LRRIQ4: variants seen among roughly 807,000 people sequenced by gnomAD.
LRRIQ4 encodes the protein leucine-rich repeat and IQ domain-containing protein 4.
In LRRIQ4, 21 loss-of-function variants were observed where a neutral mutation model predicts 40.1. The observed-to-expected ratio is 0.52, with a 90% CI of 0.37 to 0.75. The LOEUF is 0.75. Among genes scored for constraint, LRRIQ4 ranks in the 30% least tolerant of loss-of-function variants. The pLI is 0.00. For synonymous variants in LRRIQ4, 277 were observed against 277.1 expected (o/e 1.00, Z 0.00); for missense variants, 655 against 660.0 (o/e 0.99, Z 0.08).
intron 1 of LRRIQ4, among the ~76,000 whole-genome samples, chr3:169,818,462 AT>A (rs530293385): frequency 4.0e-5 from 6 of 150,560 alleles, no homozygotes; most frequent in South Asian, 2.1e-4. Context: ...GCCTCCAGGA[AT>A]TTTTTTTTTA....
At chr3:169,835,726 T>A (rs1489941981) in intron 5 of LRRIQ4, among the ~76,000 whole-genome samples, 1 of 152,168 alleles carries the variant, frequency 6.6e-6, no homozygotes, top group Non-Finnish European at 1.5e-5. Flanking sequence ...TGGATCCCGA[T>A]TGGTCTGCTG....
chr3:169,834,427 G>A (rs1038977762), intron 5 of LRRIQ4, among the ~76,000 whole-genome samples: 1 of 152,196 alleles, frequency 6.6e-6, no homozygotes, highest in Non-Finnish European at 1.5e-5. Flanking sequence ...GAAAGTTGTG[G>A]TTCTTAATTG....
At chr3:169,827,290 G>C (rs1780059541) in intron 2 of LRRIQ4, among the ~76,000 whole-genome samples, 1 of 152,078 alleles carries the variant, frequency 6.6e-6, no homozygotes, top group African/African-American at 2.4e-5. Context: ...ACAGTCAATA[G>C]GGTGATTGTC....
rs548454570 is a variant in LRRIQ4 at position 169,835,565 on chromosome 3, A to G, written c.1531-1914A>G. Among the ~76,000 whole-genome samples, 28 of 152,208 alleles carry G rather than the reference A, an allele frequency of 1.8e-4. No homozygotes were observed. The East Asian group carries it at 5.4e-3, about 29-fold the overall frequency. ...ACATATGGAAGCTGGAGCTCAGGAA[A>G]TGGACTGTCTTCAACCTATCCATGC... On this transcript the variant is annotated intron_variant, in intron 5 of 5. Coordinates refer to ENST00000340806, the MANE Select transcript of LRRIQ4 (RefSeq NM_001080460.3).
At position 169,820,567 on chromosome 3, in the gene LRRIQ4, C is replaced by G. The variant is rs1576760627; in HGVS notation, c.-31-1324C>G. Among the ~76,000 whole-genome samples the G allele has an allele frequency of 3.5e-5, 5 of 141,552 alleles. 1 individual carries two copies. The allele number at this position is 141,552 out of a possible 152,430, so 92.9% of individuals were successfully genotyped here. A position where few individuals can be genotyped will look rare whatever the true frequency, so the allele number is the denominator to read the frequency against. Reference sequence around the variant, plus strand: ...TTTTTTTTTTTTTGAGACGGAGTCTCGCTCTGTCGCCCAGGCTGGAGTGCA... The same window carrying G: ...TTTTTTTTTTTTTGAGACGGAGTCTGGCTCTGTCGCCCAGGCTGGAGTGCA... On this transcript the variant is annotated intron_variant, in intron 1 of 5. Transcript: ENST00000340806.
chr3:169,824,951 C>T (rs1576764662), intron 2 of LRRIQ4, among the ~76,000 whole-genome samples: 1 of 151,944 alleles, frequency 6.6e-6, no homozygotes, highest in South Asian at 2.1e-4. Flanking sequence ...ACACCAGTCT[C>T]ATGTGTTCCC....
intron 5 of LRRIQ4, among the ~76,000 whole-genome samples, chr3:169,833,503 A>G (rs1780233280): frequency 1.3e-5 from 2 of 152,246 alleles, no homozygotes; most frequent in Non-Finnish European, 2.9e-5. Flanking sequence ...TGTATTAACA[A>G]AAGTAGTAAA....
intron 5 of LRRIQ4, among the ~76,000 whole-genome samples, chr3:169,836,483 A>AAGAG (rs3047513): frequency 1.5e-4 from 23 of 150,262 alleles, no homozygotes; most frequent in South Asian, 4.2e-4. Flanking sequence ...ATATAACAGA[A>AAGAG]AGAGAGAGAG....
chr3:169,837,301 T>A (rs574368507), intron 5 of LRRIQ4, among the ~76,000 whole-genome samples, 178 bp from the exon 6 acceptor site: 59 of 152,354 alleles, frequency 3.9e-4, no homozygotes, highest in African/African-American at 1.3e-3. Flanking sequence ...ATGCATTTTT[T>A]AAAAAATTTG....
In LRRIQ4 at chr3:169,837,663, C is replaced by G; in HGVS notation, c.*32C>G. On this transcript the variant is annotated 3_prime_UTR_variant, in exon 6 of 6. Coordinates refer to ENST00000340806, the MANE Select transcript of LRRIQ4 (RefSeq NM_001080460.3). The stretch of plus-strand genomic sequence containing the variant: ...AAATTGATAAATTGGGGTAATGGAC[C>G]TTGATAGATTAAGAAGACAAAATAT... 1.3e-6 allele frequency: 2 copies of G among 1,508,820 alleles called. No homozygotes were observed. The highest frequency in any genetic ancestry group is 1.8e-6 in the Non-Finnish European group (2 of 1,127,188). 93.5% of individuals were successfully genotyped at this position (1,508,820 alleles called of 1,614,324 possible).
At chr3:169,815,199 G>A (rs1393285945) in intron 1 of LRRIQ4, among the ~76,000 whole-genome samples, 1 of 152,138 alleles carries the variant, frequency 6.6e-6, no homozygotes, top group African/African-American at 2.4e-5. Flanking sequence ...GATAGGAATT[G>A]TATATAATCT....
In LRRIQ4 at chr3:169,833,102, A is replaced by G. The variant is rs939022725; in HGVS notation, c.1449A>G (p.Pro483=). 17 of 1,613,874 alleles carry G rather than the reference A, an allele frequency of 1.1e-5. No individual in the cohort carries two copies. Among genetic ancestry groups the G allele is most frequent in the Non-Finnish European group, 1.4e-5 (17 of 1,179,890 alleles). The part of the protein sequence containing the change: ...TLMDNPMEEP[P]KEVCAEGNEA... ...TGGACAATCCCATGGAAGAACCCCC[A>G]AAAGAAGTGTGTGCTGAAGGCAATG... The change falls in exon 5 of 6, where the codon CCA becomes CCG. Residue 483 remains proline (P), a synonymous_variant. Transcript: ENST00000340806.
rs1390828003 is a variant in LRRIQ4 at position 169,822,571 on chromosome 3, A to G, written c.650A>G (p.Tyr217Cys). The change falls in exon 2 of 6, where the codon TAT becomes TGT. Residue 217 changes from tyrosine (Y) to cysteine (C), a missense_variant. Transcript: ENST00000340806. ...CACCTGACGGGGCTGCAGAAGTTCT[A>G]TATGGCTTCTAACAACCTTCCCGTT... ...IGHLTGLQKFYMASNNLPVLP... is the reference protein window; with the variant it reads ...IGHLTGLQKFCMASNNLPVLP... 27 of 1,614,008 alleles carry G rather than the reference A, an allele frequency of 1.7e-5. No homozygotes were observed. The East Asian group carries it at 5.3e-4, about 32-fold the overall frequency.
At chr3:169,831,434 C>G (rs376952502) in intron 4 of LRRIQ4, among the ~76,000 whole-genome samples, 1 of 122,704 alleles carries the variant, frequency 8.1e-6, no homozygotes, top group African/African-American at 3.1e-5. Context: ...CCACCACGCC[C>G]GGCTAATTTT....
intron 1 of LRRIQ4, among the ~76,000 whole-genome samples, chr3:169,821,153 TTTG>T (rs1169289691): frequency 1.3e-4 from 20 of 152,222 alleles, no homozygotes; most frequent in Admixed American, 1.2e-3. Context: ...ATATAGTGTT[TTTG>T]TTGTTGTTTT....
chr3:169,825,856 G>T (rs753806715), intron 2 of LRRIQ4, among the ~76,000 whole-genome samples: 12 of 151,982 alleles, frequency 7.9e-5, no homozygotes, highest in Non-Finnish European at 1.6e-4. Context: ...GTGTGTGTGT[G>T]CATTTGTCCT....
intron 2 of LRRIQ4, among the ~76,000 whole-genome samples, chr3:169,824,834 A>G (rs1333320737): frequency 6.6e-6 from 1 of 151,878 alleles, no homozygotes; most frequent in Non-Finnish European, 1.5e-5. Flanking sequence ...ATTTAAAAAG[A>G]AAAAAATAGC....
At position 169,822,410 on chromosome 3, in the gene LRRIQ4, C is replaced by G; in HGVS notation, c.489C>G (p.Asn163Lys). 1 of 1,612,904 alleles carries G rather than the reference C, an allele frequency of 6.2e-7. No individual in the cohort carries two copies. Among genetic ancestry groups the G allele is most frequent in the Non-Finnish European group, 8.5e-7 (1 of 1,179,408 alleles). The change falls in exon 2 of 6, where the codon AAC becomes AAG. Residue 163 changes from asparagine to lysine, a missense_variant. Transcript: ENST00000340806. ...AATGTCTGCCCAAGGAAATAGTGAACCAGACCAAGCTGAGGGAGATCTACC... is the reference window on the plus strand; with the variant it reads ...AATGTCTGCCCAAGGAAATAGTGAAGCAGACCAAGCTGAGGGAGATCTACC... ...HLKCLPKEIV[N>K]QTKLREIYLK...
At position 169,822,698 on chromosome 3, in the gene LRRIQ4, G is replaced by A. The variant is rs1049110246; in HGVS notation, c.777G>A (p.Met259Ile). 6 of 1,613,974 alleles carry A rather than the reference G, an allele frequency of 3.7e-6. No homozygotes were observed. Among genetic ancestry groups the A allele is most frequent in the Non-Finnish European group, 5.1e-6 (6 of 1,179,900 alleles). ...AGAGCTTCGCCGAGCTCAGGAAGAT[G>A]ACGGAAATCGGGCTGAGCGGGAACC... ...IPKSFAELRK[M>I]TEIGLSGNRL... Residue 259 changes from methionine to isoleucine, a missense_variant, in exon 2 of 6, where the codon ATG becomes ATA. By Grantham distance (10) the Met-to-Ile change is conservative (BLOSUM62 1). Coordinates refer to ENST00000340806, the MANE Select transcript of LRRIQ4 (RefSeq NM_001080460.3).
Sources: allele counts gnomAD v4.1 joint callset (sites outside exome capture counted in the v4.1 genomes callset), GRCh38; gene constraint gnomAD v4.1.1; transcripts MANE v1.5; gene names NCBI Gene and HGNC (gene_info 2026-07-23, HGNC 2026-07-21).